The following ADAMTS16 variants were observed in gnomAD, a reference collection of about 807,000 sequenced individuals.
ADAMTS16 encodes ADAM metallopeptidase with thrombospondin type 1 motif 16.
Under a neutral mutation model 145.8 loss-of-function variants are expected in ADAMTS16, and 94 were observed. That is an observed-to-expected ratio of 0.64 (90% CI 0.55 to 0.77). The LOEUF (loss-of-function observed/expected upper bound fraction) is 0.77. Ranked by LOEUF, ADAMTS16 falls within the 30% of genes least tolerant of loss-of-function variation. ADAMTS16 has a pLI of 0.00. For missense variants in ADAMTS16, 1,585 were observed against 1,591.5 expected (o/e 1.00, Z 0.07); for synonymous variants, 659 against 604.3 (o/e 1.09, Z -1.33).
chr5:5,303,130 G>C (rs868395012), intron 18 of ADAMTS16, 138 bp from the exon 19 acceptor site: 4 of 915,852 alleles, frequency 4.4e-6, no homozygotes, highest in Middle Eastern at 3.5e-4. Context: ...GCTCACCCAG[G>C]AAAGGTGGAA....
At chr5:5,218,776 G>T (rs940223217) in intron 10 of ADAMTS16, among the ~76,000 whole-genome samples, 1 of 152,136 alleles carries the variant, frequency 6.6e-6, no homozygotes, top group African/African-American at 2.4e-5. Context: ...CCTGGAGTCA[G>T]GCTGCCCAGT....
rs1402905359 is a variant in ADAMTS16 at position 5,319,956 on chromosome 5, T to C, written c.*818T>C. The stretch of plus-strand genomic sequence containing the variant: ...TCTTTGTAAATGACAGATCGAAGTA[T>C]AGGTTACATCAAAACCCTACCATCC... On this transcript the variant is annotated 3_prime_UTR_variant, in exon 23 of 23. Transcript: ENST00000274181. 3.1e-5 allele frequency: 14 copies of C among 454,214 alleles called. No individual in the cohort carries two copies. The highest frequency in any genetic ancestry group is 5.1e-4 in the Middle Eastern group (1 of 1,948). The allele number at this position is 454,214 out of a possible 1,614,324, so 28.1% of individuals were successfully genotyped here.
chr5:5,219,590 C>A (rs376431049), intron 10 of ADAMTS16, among the ~76,000 whole-genome samples: 1 of 152,202 alleles, frequency 6.6e-6, no homozygotes, highest in East Asian at 1.9e-4. Context: ...TACAGGATAC[C>A]AAGGTCCCAA....
intron 10 of ADAMTS16, 37 bp downstream of exon 10, chr5:5,209,283 T>C: frequency 6.2e-7 from 1 of 1,606,224 alleles, no homozygotes; most frequent in African/African-American, 1.3e-5. Flanking sequence ...TGCAACATGA[T>C]TCATAAGACT....
intron 3 of ADAMTS16, among the ~76,000 whole-genome samples, chr5:5,174,706 C>T (rs188207880): frequency 1.3e-5 from 2 of 152,184 alleles, no homozygotes; most frequent in African/African-American, 2.4e-5. Flanking sequence ...ACTCTTTCTT[C>T]TGCTTCATAA....
chr5:5,220,399 C>A (rs1736567434), intron 10 of ADAMTS16, among the ~76,000 whole-genome samples: 1 of 151,314 alleles, frequency 6.6e-6, no homozygotes, highest in Non-Finnish European at 1.5e-5. Flanking sequence ...ACCTCGTGAT[C>A]CGCCCGCCTC....
intron 18 of ADAMTS16, among the ~76,000 whole-genome samples, chr5:5,292,646 G>T (rs1739377786): frequency 6.6e-6 from 1 of 152,036 alleles, no homozygotes; most frequent in South Asian, 2.1e-4. Context: ...CCGTCGTGTG[G>T]CCTCCGTGAC....
At chr5:5,192,841 T>TA (rs1735701773) in intron 8 of ADAMTS16, among the ~76,000 whole-genome samples, 2 of 152,100 alleles carry the variant, frequency 1.3e-5, no homozygotes, top group South Asian at 2.1e-4. Flanking sequence ...GTCTGTTAAA[T>TA]AAAAAAATCA....
At chr5:5,256,664 A>T (rs1010110) in intron 17 of ADAMTS16, among the ~76,000 whole-genome samples, 4,667 of 152,322 alleles carry the variant, frequency 0.031, 178 homozygotes, top group East Asian at 0.16. Flanking sequence ...TTTCAAAGCA[A>T]AACAGATTCC....
intron 18 of ADAMTS16, among the ~76,000 whole-genome samples, chr5:5,270,194 C>T (rs565299667): frequency 1.4e-4 from 21 of 152,276 alleles, no homozygotes; most frequent in African/African-American, 3.9e-4. Context: ...AGGGCCTGAT[C>T]GCACATGGAG....
At chr5:5,252,087 G>A (rs1160893386) in intron 17 of ADAMTS16, among the ~76,000 whole-genome samples, 1 of 152,186 alleles carries the variant, frequency 6.6e-6, no homozygotes, top group Non-Finnish European at 1.5e-5. Flanking sequence ...CTGACTTCGT[G>A]ATCCGCCCGC....
At chr5:5,308,986 A>C (rs1470588270) in intron 21 of ADAMTS16, among the ~76,000 whole-genome samples, 1 of 152,008 alleles carries the variant, frequency 6.6e-6, no homozygotes, top group Non-Finnish European at 1.5e-5. Flanking sequence ...GATCACATGA[A>C]AACCATCAAG....
intron 3 of ADAMTS16, among the ~76,000 whole-genome samples, chr5:5,180,346 T>C (rs1735308072): frequency 1.3e-5 from 2 of 152,218 alleles, no homozygotes; most frequent in Admixed American, 6.5e-5. Flanking sequence ...TAGATTGCAT[T>C]ATAAAATTAG....
chr5:5,266,737 C>T (rs1738252494), intron 18 of ADAMTS16, among the ~76,000 whole-genome samples: 1 of 152,174 alleles, frequency 6.6e-6, no homozygotes, highest in Non-Finnish European at 1.5e-5. Flanking sequence ...ACCCATACTT[C>T]TTCTTCAACC....
chr5:5,191,721 G>A lies in ADAMTS16; in HGVS notation c.1244G>A (p.Arg415His), dbSNP rs200827136. 2.9e-4 allele frequency: 467 copies of A among 1,613,456 alleles called. 1 individual carries two copies. Among genetic ancestry groups the A allele is most frequent in the Admixed American group, 1.0e-3 (61 of 59,972 alleles). ...APISGMCSKY[R>H]SCTINEDTGL... ...ATAAGTGGAATGTGTAGTAAATATC[G>A]CAGCTGCACGATTAATGAAGATACA... The change falls in exon 8 of 23, where the codon CGC becomes CAC. Residue 415 changes from arginine to histidine, a missense_variant. By Grantham distance (29) the Arg-to-His change is conservative. This residue lies in a region of ADAMTS16 where 298 missense variants were observed against 367.6 expected (regional missense o/e 0.81). Coordinates refer to ENST00000274181, the MANE Select transcript of ADAMTS16 (RefSeq NM_139056.4).
At chr5:5,302,982 AACAG>A (rs2126511030) in intron 18 of ADAMTS16, among the ~76,000 whole-genome samples, 1 of 152,214 alleles carries the variant, frequency 6.6e-6, no homozygotes, top group East Asian at 1.9e-4. Flanking sequence ...AAAAGAAGAG[AACAG>A]ACACACTGTG....
chr5:5,280,163 T>C (rs142749115), intron 18 of ADAMTS16, among the ~76,000 whole-genome samples: 1 of 152,280 alleles, frequency 6.6e-6, no homozygotes, highest in East Asian at 1.9e-4. Flanking sequence ...TCCTGAATCC[T>C]GAATCCTGAA....
chr5:5,194,527 C>T (rs1046495444), intron 8 of ADAMTS16, among the ~76,000 whole-genome samples: 8 of 152,126 alleles, frequency 5.3e-5, no homozygotes, highest in African/African-American at 1.9e-4. Context: ...GAATGAGTGA[C>T]GCAGGGCGTG....
intron 3 of ADAMTS16, among the ~76,000 whole-genome samples, chr5:5,162,194 A>G (rs1734757487): frequency 6.6e-6 from 1 of 152,236 alleles, no homozygotes; most frequent in Non-Finnish European, 1.5e-5. Flanking sequence ...TGATATTGAA[A>G]CAAGCACCTA....
Sources: gnomAD v4.1 joint callset for allele counts (sites outside exome capture counted in the v4.1 genomes callset) on GRCh38, gnomAD v4.1.1 for gene constraint, gnomAD v4.1.1 regional missense constraint, MANE v1.5 for transcripts, NCBI Gene and HGNC (gene_info 2026-07-23, HGNC 2026-07-21) for gene names.